Variants in VRK3 observed in about 807,000 individuals in gnomAD.
The protein encoded by VRK3 is VRK serine/threonine kinase 3.
A neutral mutation model predicts 60.4 loss-of-function variants in VRK3; 50 were observed. That is an observed-to-expected ratio of 0.83 (90% confidence interval 0.66 to 1.05). The LOEUF (loss-of-function observed/expected upper bound fraction) is 1.05, where lower values mean the gene tolerates loss of function less well. Ranked by LOEUF, VRK3 falls within the 50% of genes least tolerant of loss-of-function variation. The pLI, the probability that VRK3 is intolerant of heterozygous loss-of-function variation, is 0.00. For synonymous variants in VRK3, 246 were observed against 227.8 expected (o/e 1.08, Z -0.72); for missense variants, 549 against 585.3 (o/e 0.94, Z 0.64).
intron 2 of VRK3, among the ~76,000 whole-genome samples, chr19:50,016,680 G>C (rs2122603995): frequency 6.6e-6 from 1 of 152,328 alleles, no homozygotes; most frequent in East Asian, 1.9e-4. Flanking sequence ...GTAGAATGAT[G>C]AGTGTTCACT....
At chr19:50,023,585 A>C (rs552369656) in intron 1 of VRK3, among the ~76,000 whole-genome samples, 1 of 152,356 alleles carries the variant, frequency 6.6e-6, no homozygotes, top group East Asian at 1.9e-4. Flanking sequence ...CTAGAATGTA[A>C]GCTTCATGAT....
intron 12 of VRK3, among the ~76,000 whole-genome samples, chr19:49,984,087 C>T (rs1189011196): frequency 6.6e-6 from 1 of 152,174 alleles, no homozygotes; most frequent in Non-Finnish European, 1.5e-5. Context: ...CAGTCACATT[C>T]AACAAGTCTC....
intron 12 of VRK3, among the ~76,000 whole-genome samples, chr19:49,985,423 C>T (rs372912242): frequency 2.0e-5 from 3 of 152,356 alleles, no homozygotes; most frequent in South Asian, 2.1e-4. Context: ...CCTCTTTCCG[C>T]AGGGATGTTG....
chr19:49,992,321 T>C (rs953387118), intron 10 of VRK3, among the ~76,000 whole-genome samples: 2 of 152,240 alleles, frequency 1.3e-5, no homozygotes, highest in African/African-American at 4.8e-5. Flanking sequence ...AGAGAATCGC[T>C]TGAACCCAGG....
chr19:50,013,207 T>C (rs2093869948), intron 3 of VRK3, among the ~76,000 whole-genome samples: 1 of 152,078 alleles, frequency 6.6e-6, no homozygotes. Context: ...GACTCTCAAG[T>C]TGGGCCAAGG....
intron 9 of VRK3, 100 bp downstream of exon 9, chr19:49,994,714 G>T (rs535999819): frequency 5.7e-6 from 6 of 1,044,520 alleles, no homozygotes; most frequent in East Asian, 2.5e-5. Context: ...TGCAGCGGAG[G>T]GGGGTGGGGG....
At chr19:49,980,821 T>C (rs2122997801) in intron 13 of VRK3, 134 bp downstream of exon 13, 1 of 685,470 alleles carries the variant, frequency 1.5e-6, no homozygotes, top group South Asian at 2.1e-5. Flanking sequence ...CTTTCTACAA[T>C]GGGTACGTAT....
intron 5 of VRK3, among the ~76,000 whole-genome samples, chr19:50,007,255 G>T (rs1459022916): frequency 6.6e-6 from 1 of 152,142 alleles, no homozygotes; most frequent in Non-Finnish European, 1.5e-5. Context: ...TGCAGCCCCT[G>T]GGCCTGCACT....
intron 3 of VRK3, among the ~76,000 whole-genome samples, chr19:50,015,131 A>G (rs1361049519): frequency 1.3e-5 from 2 of 152,088 alleles, no homozygotes; most frequent in Non-Finnish European, 2.9e-5. Flanking sequence ...AGTCTAGGGC[A>G]GGCGGCAGGA....
rs562311657 is a variant in VRK3 at position 50,018,692 on chromosome 19, A to C, written c.-2+1893T>G. Among the ~76,000 whole-genome samples, 24 of 152,252 alleles carry C rather than the reference A, an allele frequency of 1.6e-4. No individual in the cohort carries two copies. In the South Asian group the frequency reaches 4.8e-3, roughly 30 times the overall value. ...TTTGTTGTCCTGCTAATAATATGTA[A>C]AATAACATCTCTTTCTCAAAGGCAC... is the stretch of plus-strand genomic sequence containing the variant. On this transcript the variant is annotated intron_variant, in intron 2 of 14. Transcript: ENST00000316763.
chr19:50,009,594 C>T (rs2076960846), intron 3 of VRK3, among the ~76,000 whole-genome samples: 1 of 152,130 alleles, frequency 6.6e-6, no homozygotes, highest in South Asian at 2.1e-4. Flanking sequence ...CTTGTATCTT[C>T]CAGCACTTTG....
intron 5 of VRK3, among the ~76,000 whole-genome samples, chr19:50,005,326 G>A (rs2076874243): frequency 6.7e-6 from 1 of 149,256 alleles, no homozygotes; most frequent in African/African-American, 2.6e-5. Flanking sequence ...GATGGCCAAC[G>A]GAAGGCTCAA....
intron 5 of VRK3, among the ~76,000 whole-genome samples, chr19:50,002,917 G>A (rs1021074883): frequency 7.2e-5 from 11 of 152,226 alleles, no homozygotes; most frequent in African/African-American, 2.4e-4. Context: ...AGCTGGTCCT[G>A]AACTTGGAGC....
At chr19:50,016,917 C>T (rs758447669) in intron 2 of VRK3, among the ~76,000 whole-genome samples, 20 of 152,268 alleles carry the variant, frequency 1.3e-4, no homozygotes, top group Admixed American at 5.9e-4. Flanking sequence ...ACGCCGGGTG[C>T]GGTGGCTCAA....
At chr19:49,982,601 G>A (rs1352802525) in intron 12 of VRK3, among the ~76,000 whole-genome samples, 2 of 152,220 alleles carry the variant, frequency 1.3e-5, no homozygotes, top group Non-Finnish European at 2.9e-5. Flanking sequence ...GGGAACATGT[G>A]TGTCAGATGA....
In VRK3 at chr19:49,997,639, T is replaced by A. The variant is rs530158171; in HGVS notation, c.613-69A>T. 2.0e-4 allele frequency: 305 copies of A among 1,563,452 alleles called. No individual in the cohort carries two copies. In the African/African-American group the frequency reaches 3.7e-3, roughly 19 times the overall value. On this transcript the variant is annotated intron_variant, in intron 6 of 14. Coordinates refer to ENST00000316763, the MANE Select transcript of VRK3 (RefSeq NM_016440.4). ...TCAGATAAGGGCCCCCAGTCCCCAC[T>A]GGCAATTTGTTACTCCCTCAATGAC...
chr19:50,020,844 A>G lies in VRK3; in HGVS notation c.-64-197T>C, dbSNP rs113232126. Among the ~76,000 whole-genome samples, 279 of 152,362 alleles carry G rather than the reference A, an allele frequency of 1.8e-3. 3 individuals are homozygous for G. Among genetic ancestry groups the G allele is most frequent in the African/African-American group, 6.2e-3 (257 of 41,574 alleles). On this transcript the variant is annotated intron_variant, in intron 1 of 14. Coordinates refer to ENST00000316763, the MANE Select transcript of VRK3 (RefSeq NM_016440.4). ...GAAACAGCAGCAAAGGAAACAACAC[A>G]GCCCCTGTCTTCAGGATGCGCACGT...
At chr19:49,992,649 C>G (rs556862380) in intron 10 of VRK3, among the ~76,000 whole-genome samples, 1 of 152,212 alleles carries the variant, frequency 6.6e-6, no homozygotes, top group Admixed American at 6.5e-5. Flanking sequence ...ATTTAGCTAG[C>G]CTGTGGATTT....
intron 2 of VRK3, among the ~76,000 whole-genome samples, chr19:50,018,006 G>C (rs2077105492): frequency 6.6e-6 from 1 of 152,180 alleles, no homozygotes; most frequent in South Asian, 2.1e-4. Flanking sequence ...TCACTGTAAA[G>C]GCTGGCTTCT....
Sources: allele counts gnomAD v4.1 joint callset (sites outside exome capture counted in the v4.1 genomes callset), GRCh38; gene constraint gnomAD v4.1.1; transcripts MANE v1.5; gene names NCBI Gene and HGNC (gene_info 2026-07-23, HGNC 2026-07-21).